The following COL22A1 variants were observed in gnomAD, a reference collection of about 807,000 sequenced individuals.
The protein encoded by COL22A1 is collagen type XXII alpha 1 chain, also known as collagen alpha-1(XXII) chain.
COL22A1 carries 221 observed loss-of-function variants against 248.9 expected under a neutral mutation model. That is an observed-to-expected ratio of 0.89 (90% CI 0.80 to 0.99). The LOEUF is 0.99. COL22A1 is among the 50% of genes least tolerant of loss of function. The probability of loss-of-function intolerance (pLI) is 0.00; values close to 1 mark genes in which losing one functional copy is unlikely to be tolerated. For synonymous variants in COL22A1, 891 were observed against 793.4 expected (o/e 1.12, Z -2.07); for missense variants, 2,240 against 2,179.0 (o/e 1.03, Z -0.56).
intron 11 of COL22A1, among the ~76,000 whole-genome samples, chr8:138,802,069 C>T (rs1301347865): frequency 6.6e-6 from 1 of 152,106 alleles, no homozygotes; most frequent in Non-Finnish European, 1.5e-5. Context: ...TGTTCTAAAC[C>T]ATTTACATGC....
intron 7 of COL22A1, among the ~76,000 whole-genome samples, chr8:138,819,643 G>A (rs930479363): frequency 5.4e-5 from 8 of 146,892 alleles, no homozygotes; most frequent in Non-Finnish European, 1.0e-4. Flanking sequence ...TAATTATATA[G>A]ATATAAATTA....
At chr8:138,738,706 A>C (rs1009567937) in intron 22 of COL22A1, among the ~76,000 whole-genome samples, 9 of 152,216 alleles carry the variant, frequency 5.9e-5, no homozygotes, top group African/African-American at 2.2e-4. Flanking sequence ...TGCAGACTTG[A>C]AGCCTGTACC....
chr8:138,836,836 C>T (rs1328436176), intron 4 of COL22A1, among the ~76,000 whole-genome samples: 1 of 152,120 alleles, frequency 6.6e-6, no homozygotes, highest in Non-Finnish European at 1.5e-5. Context: ...GTGAAGAATC[C>T]CTCCGTTCAG....
In COL22A1 at chr8:138,796,847, G is replaced by A. The variant is rs1253727568; in HGVS notation, c.1568C>T (p.Pro523Leu). The stretch of plus-strand genomic sequence containing the variant: ...TTCACCCTTTTCCCCTTGGCCAAAA[G>A]GTCCTATGCCCTAGAAAAATGAAAG... ...KGEKGDVGIGPFGQGEKGEKG... is the reference protein window; with the variant it reads ...KGEKGDVGIGLFGQGEKGEKG... The change falls in exon 12 of 65, where the codon CCT (proline) becomes CTT (leucine). Residue 523 changes from proline (P) to leucine (L), a missense_variant. Pro to Leu is a moderately conservative substitution (Grantham distance 98). Transcript: ENST00000303045. 3.8e-6 allele frequency: 6 copies of A among 1,599,986 alleles called. No homozygotes were observed. The highest frequency in any genetic ancestry group is 1.7e-4 in the Middle Eastern group (1 of 6,034).
At position 138,770,912 on chromosome 8, in the gene COL22A1, A is replaced by G. The variant is rs115830599; in HGVS notation, c.1803+5054T>C. Among the ~76,000 whole-genome samples, 1,161 of 152,328 alleles carry G rather than the reference A, an allele frequency of 7.6e-3. 11 individuals carry two copies. Among genetic ancestry groups the G allele is most frequent in the Middle Eastern group, 0.027 (8 of 294 alleles). On this transcript the variant is annotated intron_variant, in intron 16 of 64. Coordinates refer to ENST00000303045, the MANE Select transcript of COL22A1 (RefSeq NM_152888.3). Reference sequence around the variant, plus strand: ...TTCTCTCTATCCTCAAACCCCATATATAAAGCACATGCTGCCCAGAACCTT... The same window carrying G: ...TTCTCTCTATCCTCAAACCCCATATGTAAAGCACATGCTGCCCAGAACCTT...
At chr8:138,828,984 C>T (rs1563818433) in intron 5 of COL22A1, among the ~76,000 whole-genome samples, 1 of 152,178 alleles carries the variant, frequency 6.6e-6, no homozygotes, top group Non-Finnish European at 1.5e-5. Context: ...ATTGACTTCC[C>T]TGCTGGAGGA....
In COL22A1 at chr8:138,722,204, C is replaced by T. The variant is rs144412776; in HGVS notation, c.2248-115G>A. On this transcript the variant is annotated intron_variant, in intron 25 of 64. Coordinates refer to ENST00000303045, the MANE Select transcript of COL22A1 (RefSeq NM_152888.3). Reference sequence around the variant, plus strand: ...GCAGCCAGAATGCAGGAGGCTCGGGCGTCTGCTCTTTGATTAGCAGGGCCC... The same window carrying T: ...GCAGCCAGAATGCAGGAGGCTCGGGTGTCTGCTCTTTGATTAGCAGGGCCC... The T allele has an allele frequency of 5.4e-4, 448 of 823,814 alleles. 3 individuals carry two copies. In the East Asian group the frequency reaches 0.011, roughly 21 times the overall value. 51.0% of individuals were successfully genotyped at this position (823,814 alleles called of 1,614,324 possible).
chr8:138,826,777 C>T lies in COL22A1; in HGVS notation c.850G>A (p.Val284Met), dbSNP rs1197887799. 6.2e-7 allele frequency: 1 copy of T among 1,614,078 alleles called. No homozygotes were observed. The highest frequency in any genetic ancestry group is 8.5e-7 in the Non-Finnish European group (1 of 1,179,980). Reference sequence around the variant, plus strand: ...TCATCAGGTAAACCTTGGGGGAACACATCCCTGGAGAAAAATGGAGACAAA... The same window carrying T: ...TCATCAGGTAAACCTTGGGGGAACATATCCCTGGAGAAAAATGGAGACAAA... ...SFPVVQSTED[V>M]FPQGLPDEYA... Residue 284 changes from valine (V) to methionine (M), a missense_variant, in exon 6 of 65, where the codon GTG (valine) becomes ATG (methionine). By Grantham distance (21) the Val-to-Met change is conservative. Transcript: ENST00000303045.
rs1564180418 is a variant in COL22A1, at chr8:138,676,638, AG to A, written c.3073-4del. The A allele has an allele frequency of 1.3e-6, 2 of 1,555,856 alleles. No individual in the cohort carries two copies. Among genetic ancestry groups the A allele is most frequent in the Non-Finnish European group, 1.7e-6 (2 of 1,147,972 alleles). On this transcript the variant is annotated splice_polypyrimidine_tract_variant and splice_region_variant and intron_variant, in intron 40 of 64. Coordinates refer to ENST00000303045, the MANE Select transcript of COL22A1 (RefSeq NM_152888.3). ...ATCCCAGGAGCTCCTCGATCCCCCT[AG>A]AAAGAGAGAAAAATAAGATCAAGGA...
intron 9 of COL22A1, among the ~76,000 whole-genome samples, chr8:138,811,266 T>TACACAC (rs1489498749): frequency 9.2e-5 from 10 of 108,976 alleles, no homozygotes; most frequent in Admixed American, 6.8e-4. Context: ...TCTACATATA[T>TACACAC]ATATATACAC....
chr8:138,608,947 C>A (rs1252307950), intron 56 of COL22A1, among the ~76,000 whole-genome samples: 1 of 152,224 alleles, frequency 6.6e-6, no homozygotes, highest in Non-Finnish European at 1.5e-5. Context: ...CAGTGCCAGA[C>A]ACACAGGAGG....
intron 21 of COL22A1, among the ~76,000 whole-genome samples, chr8:138,754,446 C>G (rs999934632): frequency 1.3e-5 from 2 of 152,176 alleles, no homozygotes; most frequent in Non-Finnish European, 2.9e-5. Flanking sequence ...AAGAGTGGGC[C>G]TCAATAGCTT....
At chr8:138,810,552 G>T (rs529480685) in intron 9 of COL22A1, among the ~76,000 whole-genome samples, 2 of 152,286 alleles carry the variant, frequency 1.3e-5, no homozygotes, top group South Asian at 4.1e-4. Flanking sequence ...CAGGCTGAAG[G>T]GCTCTTAAGG....
At chr8:138,856,593 AGAG>A (rs1822035678) in intron 3 of COL22A1, among the ~76,000 whole-genome samples, 1 of 92,926 alleles carries the variant, frequency 1.1e-5, no homozygotes, top group East Asian at 2.1e-4. Context: ...AGAGGCAGTG[AGAG>A]AGAGAGAGAG....
chr8:138,641,260 A>C (rs1821667070), intron 47 of COL22A1, among the ~76,000 whole-genome samples: 1 of 152,192 alleles, frequency 6.6e-6, no homozygotes, highest in Admixed American at 6.5e-5. Context: ...AGCAGGTATT[A>C]TCTCTGCCTC....
intron 4 of COL22A1, among the ~76,000 whole-genome samples, chr8:138,836,537 T>G (rs1311467600): frequency 6.6e-6 from 1 of 152,314 alleles, no homozygotes; most frequent in Non-Finnish European, 1.5e-5. Flanking sequence ...TCACCTTGAA[T>G]GAGAACATGA....
chr8:138,780,602 G>T (rs772250008), intron 13 of COL22A1, among the ~76,000 whole-genome samples: 7 of 152,160 alleles, frequency 4.6e-5, no homozygotes, highest in Non-Finnish European at 7.3e-5. Flanking sequence ...ACAAACTGGG[G>T]TCTTAAGCAA....
At chr8:138,619,109 T>C (rs980743714) in intron 53 of COL22A1, among the ~76,000 whole-genome samples, 1 of 152,176 alleles carries the variant, frequency 6.6e-6, no homozygotes, top group Admixed American at 6.5e-5. Context: ...GTTACTTTTA[T>C]AGTTGGGAAA....
chr8:138,772,868 A>C (rs1834497621), intron 16 of COL22A1, among the ~76,000 whole-genome samples: 2 of 152,042 alleles, frequency 1.3e-5, no homozygotes, highest in African/African-American at 2.4e-5. Context: ...TCTCAGAAAA[A>C]ATAAAACAAA....
Sources: gnomAD v4.1 joint callset for allele counts (sites outside exome capture counted in the v4.1 genomes callset) on GRCh38, gnomAD v4.1.1 for gene constraint, MANE v1.5 for transcripts, NCBI Gene and HGNC (gene_info 2026-07-23, HGNC 2026-07-21) for gene names.